ANKRD44: variants seen among roughly 807,000 people sequenced by gnomAD.
The protein encoded by ANKRD44 is serine/threonine-protein phosphatase 6 regulatory ankyrin repeat subunit B.
In ANKRD44, 35 loss-of-function variants were observed where a neutral mutation model predicts 116.0. That is an observed-to-expected ratio of 0.30 (90% CI 0.23 to 0.40). The LOEUF is 0.40. ANKRD44 is among the 10% of genes least tolerant of loss of function. The pLI, the probability that ANKRD44 is intolerant of heterozygous loss-of-function variation, is 1.00. For synonymous variants in ANKRD44, 435 were observed against 461.8 expected (o/e 0.94, Z 0.74); for missense variants, 1,014 against 1,242.6 (o/e 0.82, Z 2.77).
chr2:197,167,850 A>AC (rs1412244768), intron 2 of ANKRD44, among the ~76,000 whole-genome samples: 2 of 151,702 alleles, frequency 1.3e-5, no homozygotes, highest in Non-Finnish European at 2.9e-5. Context: ...CCTTTACCAT[A>AC]CTCTTCTTCC....
chr2:197,125,288 C>G, intron 6 of ANKRD44, 93 bp downstream of exon 6: 1 of 1,200,442 alleles, frequency 8.3e-7, no homozygotes, highest in Non-Finnish European at 1.2e-6. Flanking sequence ...GAAAAGAAGT[C>G]AGACTGGAGA....
chr2:197,016,324 G>A lies in ANKRD44; in HGVS notation c.1723-2612C>T, dbSNP rs150452785. ...ATCTTTTTCTTTTTCTTTTCATTAC[G>A]TCAGGTATATTGTCTTGTAAATTGG... On this transcript the variant is annotated intron_variant, in intron 17 of 27. Transcript: ENST00000282272. Among the ~76,000 whole-genome samples the A allele has an allele frequency of 3.7e-3, 559 of 152,010 alleles. 1 individual carries two copies. Among genetic ancestry groups the A allele is most frequent in the Non-Finnish European group, 6.7e-3 (458 of 67,984 alleles).
At chr2:197,027,088 C>T (rs1016630744) in intron 16 of ANKRD44, among the ~76,000 whole-genome samples, 2 of 151,910 alleles carry the variant, frequency 1.3e-5, no homozygotes, top group African/African-American at 2.4e-5. Flanking sequence ...GGGCCAGGTG[C>T]GGTGGCTCAT....
chr2:197,136,340 C>T (rs2079215644), intron 4 of ANKRD44: 2 of 524,842 alleles, frequency 3.8e-6, no homozygotes, highest in Admixed American at 3.3e-5. Context: ...TTTGCCTCCT[C>T]CCCAGGCTGA....
intron 1 of ANKRD44, among the ~76,000 whole-genome samples, chr2:197,196,597 C>T (rs1574251408): frequency 6.6e-6 from 1 of 152,278 alleles, no homozygotes; most frequent in Non-Finnish European, 1.5e-5. Context: ...GAAAGGTACT[C>T]TCAGAAAGGT....
At chr2:197,033,293 T>C (rs950119389) in intron 16 of ANKRD44, among the ~76,000 whole-genome samples, 1 of 152,046 alleles carries the variant, frequency 6.6e-6, no homozygotes, top group African/African-American at 2.4e-5. Context: ...ATGGTGATGA[T>C]GATGATGGTG....
At chr2:197,183,292 C>T (rs13386169) in intron 2 of ANKRD44, among the ~76,000 whole-genome samples, 2,270 of 151,990 alleles carry the variant, frequency 0.015, 69 homozygotes, top group African/African-American at 0.051. Flanking sequence ...GACAGAAAAG[C>T]ATAATTAAGT....
In ANKRD44 at chr2:197,026,395, A is replaced by G. The variant is rs75678473; in HGVS notation, c.1651-1128T>C. 5.3e-3 allele frequency among the ~76,000 whole-genome samples: 808 copies of G among 152,342 alleles called. 3 individuals carry two copies. Among genetic ancestry groups the G allele is most frequent in the Middle Eastern group, 0.01 (3 of 294 alleles). On this transcript the variant is annotated intron_variant, in intron 16 of 27. Transcript: ENST00000282272. ...TAACTTTATGTAGGGTGATTAGGGA[A>G]AGCCTCACTGAGCAGGTGATGGCCC...
chr2:197,161,091 G>A (rs1162737732), intron 2 of ANKRD44, among the ~76,000 whole-genome samples: 1 of 152,130 alleles, frequency 6.6e-6, no homozygotes, highest in Non-Finnish European at 1.5e-5. Context: ...ACAGAAAACC[G>A]AACACACTAC....
intron 12 of ANKRD44, among the ~76,000 whole-genome samples, chr2:197,088,425 G>A (rs112349869): frequency 1.9e-4 from 29 of 151,884 alleles, no homozygotes; most frequent in African/African-American, 6.3e-4. Context: ...TGGTGTATGG[G>A]GTAACTGATA....
chr2:197,015,103 C>T (rs916771020), intron 17 of ANKRD44: 1 of 243,262 alleles, frequency 4.1e-6, no homozygotes, highest in Non-Finnish European at 8.3e-6. Context: ...TAATAAAAGA[C>T]CCCCGAACAA....
At chr2:197,123,770 A>T (rs1021133097) in intron 6 of ANKRD44, among the ~76,000 whole-genome samples, 5 of 152,158 alleles carry the variant, frequency 3.3e-5, no homozygotes, top group Non-Finnish European at 7.3e-5. Context: ...TGACTCCAGG[A>T]CTTTGTGTGT....
At chr2:197,297,889 A>G (rs1218735623) in intron 1 of ANKRD44, among the ~76,000 whole-genome samples, 3 of 152,212 alleles carry the variant, frequency 2.0e-5, no homozygotes, top group Non-Finnish European at 4.4e-5. Context: ...AGACCTAATT[A>G]TACTAAGGCT....
At position 196,986,745 on chromosome 2, in the gene ANKRD44, T is replaced by C. The variant is rs1345514734; in HGVS notation, c.*2846A>G. On this transcript the variant is annotated 3_prime_UTR_variant, in exon 28 of 28. Coordinates refer to ENST00000282272, the MANE Select transcript of ANKRD44 (RefSeq NM_001195144.2). ...TAGTATATTACAGTTAAGTACTTCA[T>C]TACGTTATTAGAGCATTCAGTAGTT... is the stretch of plus-strand genomic sequence containing the variant. The C allele has an allele frequency of 3.1e-6, 3 of 982,308 alleles. No individual in the cohort carries two copies. The highest frequency in any genetic ancestry group is 4.7e-5 in the South Asian group (1 of 21,224). The allele number at this position is 982,308 out of a possible 1,614,324, so 60.8% of individuals were successfully genotyped here.
In ANKRD44 at chr2:197,089,960, C is replaced by A. The variant is rs1559053321; in HGVS notation, c.1173G>T (p.Leu391Phe). The A allele has an allele frequency of 1.9e-6, 3 of 1,613,938 alleles. No individual in the cohort carries two copies. Among genetic ancestry groups the A allele is most frequent in the Non-Finnish European group, 2.5e-6 (3 of 1,179,860 alleles). The change falls in exon 11 of 28, where the codon TTG becomes TTT. Residue 391 changes from leucine (L) to phenylalanine (F), a missense_variant. By Grantham distance (22) the Leu-to-Phe change is conservative. Coordinates refer to ENST00000282272, the MANE Select transcript of ANKRD44 (RefSeq NM_001195144.2). ...AACAGATTTACTTACCCGATGATAA[C>A]AACTTTCTGCAGCAGTCAGAGTGAG... ...LNAHSDCCRK[L>F]LSSGFEIDTP...
chr2:197,082,131 G>C (rs1181844530), intron 14 of ANKRD44, among the ~76,000 whole-genome samples: 1 of 152,122 alleles, frequency 6.6e-6, no homozygotes. Context: ...CCCTTCGTCT[G>C]CCAGAACAAT....
chr2:197,079,821 C>T (rs2077753116), intron 15 of ANKRD44, among the ~76,000 whole-genome samples: 1 of 152,048 alleles, frequency 6.6e-6, no homozygotes, highest in Non-Finnish European at 1.5e-5. Flanking sequence ...TAGCATTTAC[C>T]TATCTTTTGG....
intron 9 of ANKRD44, among the ~76,000 whole-genome samples, chr2:197,103,013 A>G (rs1208670805): frequency 6.6e-6 from 1 of 152,060 alleles, no homozygotes; most frequent in Non-Finnish European, 1.5e-5. Flanking sequence ...GCAGATCACA[A>G]GGTCAGGAGA....
At chr2:196,967,345 C>T (rs1297489196) in exon 22 of ANKRD44, 2 of 454,898 alleles carry the variant, frequency 4.4e-6, no homozygotes, top group Admixed American at 4.9e-5. Flanking sequence ...TAACCCTTTG[C>T]GTTCTGTGGC....
Sources: gnomAD v4.1 joint callset for allele counts (sites outside exome capture counted in the v4.1 genomes callset) on GRCh38, gnomAD v4.1.1 for gene constraint, MANE v1.5 for transcripts, NCBI Gene and HGNC (gene_info 2026-07-23, HGNC 2026-07-21) for gene names.